The following ABHD18 variants were observed in gnomAD, a reference collection of about 807,000 sequenced individuals.
The protein encoded by ABHD18 is cardiolipin-specific deacylase, mitochondrial.
A neutral mutation model predicts 65.9 loss-of-function variants in ABHD18; 55 were observed. The ratio of observed to expected loss-of-function variants is 0.84; its 90% confidence interval spans 0.67 to 1.05. ABHD18 has a LOEUF of 1.05. Among genes scored for constraint, ABHD18 ranks in the 50% least tolerant of loss-of-function variants. The pLI is 0.00. For missense variants in ABHD18, 533 were observed against 558.5 expected (o/e 0.95, Z 0.46); for synonymous variants, 181 against 180.2 (o/e 1.00, Z -0.04).
At chr4:128,014,436 A>C (rs1172256008) in intron 7 of ABHD18, among the ~76,000 whole-genome samples, 1 of 152,208 alleles carries the variant, frequency 6.6e-6, no homozygotes, top group Non-Finnish European at 1.5e-5. Context: ...GGAGTCATAC[A>C]GGCATAGGTT....
chr4:127,994,480 A>G lies in ABHD18; in HGVS notation c.278+4659A>G, dbSNP rs138121769. 2.5e-3 allele frequency among the ~76,000 whole-genome samples: 374 copies of G among 152,144 alleles called. 2 individuals carry two copies. Among genetic ancestry groups the G allele is most frequent in the African/African-American group, 8.4e-3 (349 of 41,518 alleles). ...CGGGTGCCTGTAATCCAAACTACTC[A>G]GGAGGCTGAGGCAGGAGAATCGCTT... On this transcript the variant is annotated intron_variant, in intron 4 of 12. Transcript: ENST00000645843.
intron 8 of ABHD18, among the ~76,000 whole-genome samples, chr4:128,019,268 C>G (rs1383421384): frequency 6.6e-6 from 1 of 152,122 alleles, no homozygotes; most frequent in African/African-American, 2.4e-5. Flanking sequence ...GCTCAGACCT[C>G]TTTATTAATT....
At chr4:127,982,892 T>A in intron 1 of ABHD18, 47 bp from the exon 2 acceptor site, 1 of 1,080,444 alleles carries the variant, frequency 9.3e-7, no homozygotes. Context: ...CCTGCTACCT[T>A]GAAACAAATA....
At chr4:127,972,135 A>G (rs1426625274) in intron 1 of ABHD18, among the ~76,000 whole-genome samples, 1 of 152,242 alleles carries the variant, frequency 6.6e-6, no homozygotes, top group Non-Finnish European at 1.5e-5. Context: ...GAAGAGAAAC[A>G]TGAGGCAAGG....
chr4:127,993,786 T>G (rs1751306122), intron 4 of ABHD18, among the ~76,000 whole-genome samples: 1 of 152,124 alleles, frequency 6.6e-6, no homozygotes, highest in African/African-American at 2.4e-5. Flanking sequence ...ACATTTAAGT[T>G]GCATTGTTTT....
chr4:128,039,906 T>G lies in ABHD18; in HGVS notation c.*4093T>G, dbSNP rs750038503. The G allele has an allele frequency of 7.9e-5, 12 of 152,158 alleles. No individual in the cohort carries two copies. The highest frequency in any genetic ancestry group is 1.6e-4 in the Non-Finnish European group (11 of 68,028). 9.4% of individuals were successfully genotyped at this position (152,158 alleles called of 1,614,324 possible). On this transcript the variant is annotated 3_prime_UTR_variant, in exon 13 of 13. Transcript: ENST00000645843. ...TATCTCTATAAAAATAACCAAAATT[T>G]TCCCCAAATATGTGTGATCTGAGGG...
intron 10 of ABHD18, among the ~76,000 whole-genome samples, chr4:128,024,571 G>A (rs1331481792): frequency 6.6e-6 from 1 of 152,176 alleles, no homozygotes; most frequent in Non-Finnish European, 1.5e-5. Context: ...CCCACTCTGA[G>A]TAATTCGGGG....
chr4:128,007,397 G>A (rs539659211), intron 4 of ABHD18, among the ~76,000 whole-genome samples: 14 of 149,816 alleles, frequency 9.3e-5, no homozygotes, highest in African/African-American at 2.9e-4. Context: ...AGTCATATAG[G>A]TTAAAAGAAA....
chr4:127,985,070 G>C (rs1187561802), intron 3 of ABHD18, among the ~76,000 whole-genome samples: 1 of 151,974 alleles, frequency 6.6e-6, no homozygotes, highest in African/African-American at 2.4e-5. Flanking sequence ...AGTATTAAAG[G>C]GGAATAATCT....
Position 127,992,520 on chromosome 4 carries a change from A to G in ABHD18, c.278+2699A>G, listed in dbSNP as rs185024757. Among the ~76,000 whole-genome samples, 95 of 152,196 alleles carry G rather than the reference A, an allele frequency of 6.2e-4. 1 individual carries two copies. The highest frequency in any genetic ancestry group is 2.0e-3 in the African/African-American group (84 of 41,534). On this transcript the variant is annotated intron_variant, in intron 4 of 12. Coordinates refer to ENST00000645843, the MANE Select transcript of ABHD18 (RefSeq NM_001358451.3). The stretch of plus-strand genomic sequence containing the variant: ...ATAGTGTGCGGGGAATATAAAAAAC[A>G]TAAACATGTAGCTCGTTTATGTATT...
chr4:128,035,464 T>C (rs1758783949), intron 12 of ABHD18, among the ~76,000 whole-genome samples: 1 of 152,086 alleles, frequency 6.6e-6, no homozygotes, highest in African/African-American at 2.4e-5. Context: ...TTCTAGCTAC[T>C]TGGGAGGCTG....
chr4:127,991,313 G>A (rs566073557), intron 4 of ABHD18, among the ~76,000 whole-genome samples: 49 of 152,140 alleles, frequency 3.2e-4, no homozygotes, highest in Non-Finnish European at 5.6e-4. Context: ...TGCACCCTCC[G>A]CCTCCCGGGT....
chr4:127,992,880 T>C (rs534580267), intron 4 of ABHD18, among the ~76,000 whole-genome samples: 1 of 152,116 alleles, frequency 6.6e-6, no homozygotes, highest in Admixed American at 6.5e-5. Context: ...TATTAATGCT[T>C]TACTGAAAGC....
intron 4 of ABHD18, 72 bp downstream of exon 4, chr4:127,989,893 T>G (rs1484883046): frequency 1.3e-5 from 12 of 916,664 alleles, no homozygotes; most frequent in Non-Finnish European, 1.9e-5. Context: ...CAACACTATG[T>G]TATTTGAAAT....
chr4:128,020,081 T>G lies in ABHD18; in HGVS notation c.611T>G (p.Met204Arg), dbSNP rs202204733. The G allele has an allele frequency of 1.2e-6, 2 of 1,608,790 alleles. No homozygotes were observed. Among genetic ancestry groups the G allele is most frequent in the African/African-American group, 2.7e-5 (2 of 74,860 alleles). Residue 204 changes from methionine (M) to arginine (R), a missense_variant and splice_region_variant, in exon 9 of 13, where the codon ATG becomes AGG. Met to Arg is a moderately conservative substitution (Grantham distance 91). Coordinates refer to ENST00000645843, the MANE Select transcript of ABHD18 (RefSeq NM_001358451.3). Reference protein sequence around the residue: ...GMTGISMGGHMASLAVSNWPK... With the variant: ...GMTGISMGGHRASLAVSNWPK... ...CGCTCTCTATCTGTTATATTACAGATGGCTTCCTTAGCGGTATCCAACTGG... is the reference window on the plus strand; with the variant it reads ...CGCTCTCTATCTGTTATATTACAGAGGGCTTCCTTAGCGGTATCCAACTGG...
chr4:128,025,153 G>A (rs1465066715), intron 10 of ABHD18, among the ~76,000 whole-genome samples: 1 of 152,016 alleles, frequency 6.6e-6, no homozygotes, highest in Non-Finnish European at 1.5e-5. Context: ...AGTGTTTCAG[G>A]GAATTTTTGG....
In ABHD18 at chr4:127,991,405, G is replaced by A. The variant is rs145335347; in HGVS notation, c.278+1584G>A. On this transcript the variant is annotated intron_variant, in intron 4 of 12. Coordinates refer to ENST00000645843, the MANE Select transcript of ABHD18 (RefSeq NM_001358451.3). The stretch of plus-strand genomic sequence containing the variant: ...CACCTGGCTAATTTTTGTATTTTTA[G>A]TAGAGACGGGGTTTCAACATGTTGG... 8.9e-4 allele frequency among the ~76,000 whole-genome samples: 136 copies of A among 152,178 alleles called. 2 individuals carry two copies. The highest frequency in any genetic ancestry group is 3.0e-3 in the African/African-American group (124 of 41,522).
At chr4:127,973,817 C>CA (rs57170719) in intron 1 of ABHD18, among the ~76,000 whole-genome samples, 2,446 of 16,448 alleles carry the variant, frequency 0.15, 378 homozygotes, top group African/African-American at 0.27. Context: ...TGATGAACAG[C>CA]AAAAAAAAAA....
At chr4:127,966,629 C>T (rs1292585521) in intron 1 of ABHD18, among the ~76,000 whole-genome samples, 2 of 134,534 alleles carry the variant, frequency 1.5e-5, no homozygotes, top group Non-Finnish European at 3.1e-5. Context: ...GAGGCCAAGG[C>T]GGGCGGATCA....
Sources: gnomAD v4.1 joint callset for allele counts (sites outside exome capture counted in the v4.1 genomes callset) on GRCh38, gnomAD v4.1.1 for gene constraint, MANE v1.5 for transcripts, NCBI Gene and HGNC (gene_info 2026-07-23, HGNC 2026-07-21) for gene names.